Variants in GPR149 observed in about 807,000 individuals in gnomAD.
The protein encoded by GPR149 is G protein-coupled receptor 149.
Under a neutral mutation model 50.2 loss-of-function variants are expected in GPR149, and 50 were observed. That is an observed-to-expected ratio of 1.00 (90% confidence interval 0.79 to 1.26). The LOEUF is 1.26. Among genes scored for constraint, GPR149 ranks in the 50% most tolerant of loss-of-function variants. GPR149 has a pLI of 0.00. For missense variants in GPR149, 983 were observed against 895.4 expected (o/e 1.10, Z -1.25); for synonymous variants, 405 against 358.2 (o/e 1.13, Z -1.48).
At chr3:154,401,576 C>G (rs1711548789) in intron 3 of GPR149, among the ~76,000 whole-genome samples, 1 of 151,922 alleles carries the variant, frequency 6.6e-6, no homozygotes, top group African/African-American at 2.4e-5. Flanking sequence ...CTATTAATTC[C>G]TAGAGTATGT....
Position 154,374,172 on chromosome 3 carries a change from T to TC in GPR149, c.1624-35902_1624-35901insG, listed in dbSNP as rs1553764338. Reference sequence around the variant, plus strand: ...TTTCTTTCTTTTCTTTTCTTTTCTTTTTTTTTTTTTTTTGAGACAGAGTCT... The same window carrying TC: ...TTTCTTTCTTTTCTTTTCTTTTCTTTCTTTTTTTTTTTTTGAGACAGAGTCT... On this transcript the variant is annotated intron_variant, in intron 3 of 3. Transcript: ENST00000389740. Among the ~76,000 whole-genome samples, 5 of 141,882 alleles carry TC rather than the reference T, an allele frequency of 3.5e-5. No individual in the cohort carries two copies. The East Asian group carries it at 6.1e-4, about 17-fold the overall frequency. The allele number at this position is 141,882 out of a possible 152,430, so 93.1% of individuals were successfully genotyped here. A position where few individuals can be genotyped will look rare whatever the true frequency, so the allele number is the denominator to read the frequency against.
chr3:154,366,245 G>A (rs1714529115), intron 3 of GPR149, among the ~76,000 whole-genome samples: 1 of 152,058 alleles, frequency 6.6e-6, no homozygotes, highest in African/African-American at 2.4e-5. Context: ...GACCAGCACT[G>A]ACATTAAAAT....
chr3:154,422,869 G>A (rs1712184990), intron 2 of GPR149, among the ~76,000 whole-genome samples: 1 of 151,654 alleles, frequency 6.6e-6, no homozygotes, highest in South Asian at 2.1e-4. Flanking sequence ...AAAGGTGAAG[G>A]AACTAAAAGG....
At position 154,338,476 on chromosome 3, in the gene GPR149, G is replaced by C. The variant is rs113753124; in HGVS notation, c.1624-205C>G. Among the ~76,000 whole-genome samples the C allele has an allele frequency of 9.4e-3, 1,427 of 152,210 alleles. 8 individuals are homozygous for C. The highest frequency in any genetic ancestry group is 0.034 in the Middle Eastern group (10 of 294). ...TAGGCCAAATCAGACATTTAATGAGGGTAGTTAGGAACCTTTATTTGAAGA... is the reference window on the plus strand; with the variant it reads ...TAGGCCAAATCAGACATTTAATGAGCGTAGTTAGGAACCTTTATTTGAAGA... On this transcript the variant is annotated intron_variant, in intron 3 of 3. Coordinates refer to ENST00000389740, the MANE Select transcript of GPR149 (RefSeq NM_001038705.3).
intron 2 of GPR149, among the ~76,000 whole-genome samples, chr3:154,426,332 G>GA (rs1712293037): frequency 1.3e-5 from 2 of 152,204 alleles, no homozygotes; most frequent in African/African-American, 4.8e-5. Context: ...TATGACATAG[G>GA]AAAAATGGCC....
chr3:154,367,166 C>T (rs758972420), intron 3 of GPR149, among the ~76,000 whole-genome samples: 15 of 152,138 alleles, frequency 9.9e-5, no homozygotes, highest in Non-Finnish European at 1.8e-4. Context: ...GTGAAACTCA[C>T]TCCTTTCCTG....
Position 154,428,622 on chromosome 3 carries a change from A to G in GPR149, c.981+13T>C, listed in dbSNP as rs1456574488. 2 of 1,606,114 alleles carry G rather than the reference A, an allele frequency of 1.2e-6. No homozygotes were observed. Among genetic ancestry groups the G allele is most frequent in the Non-Finnish European group, 1.7e-6 (2 of 1,176,030 alleles). On this transcript the variant is annotated intron_variant, in intron 1 of 3. Transcript: ENST00000389740. ...CACACACACTCGCGCTTTGTGAGCA[A>G]CTGCACTTTTACCATCATGGGCAGC...
intron 3 of GPR149, chr3:154,352,113 C>T: frequency 2.9e-6 from 2 of 686,474 alleles, no homozygotes; most frequent in Non-Finnish European, 4.6e-6. Flanking sequence ...CAAGTTCACA[C>T]TGGTAGATTA....
chr3:154,423,683 T>C (rs1263266300), intron 2 of GPR149, among the ~76,000 whole-genome samples: 1 of 151,778 alleles, frequency 6.6e-6, no homozygotes, highest in Non-Finnish European at 1.5e-5. Flanking sequence ...TAAAACAACA[T>C]AGTTAATAAT....
At position 154,415,589 on chromosome 3, in the gene GPR149, G is replaced by A. The variant is rs149506821; in HGVS notation, c.1623+5450C>T. Among the ~76,000 whole-genome samples the A allele has an allele frequency of 2.9e-3, 437 of 151,986 alleles. 3 individuals carry two copies. Among genetic ancestry groups the A allele is most frequent in the Middle Eastern group, 0.01 (3 of 294 alleles). On this transcript the variant is annotated intron_variant, in intron 3 of 3. Transcript: ENST00000389740. Reference sequence around the variant, plus strand: ...GCTGTGAAGTGGAGAAAAGCAGAGCGCATGCAGTACATGCAGCAGGACTTT... The same window carrying A: ...GCTGTGAAGTGGAGAAAAGCAGAGCACATGCAGTACATGCAGCAGGACTTT...
At chr3:154,382,711 T>A (rs1271280675) in intron 3 of GPR149, among the ~76,000 whole-genome samples, 1 of 152,230 alleles carries the variant, frequency 6.6e-6, no homozygotes, top group East Asian at 1.9e-4. Flanking sequence ...CATGAGAATA[T>A]TCATATTTCA....
At chr3:154,407,449 A>G (rs1241077254) in intron 3 of GPR149, among the ~76,000 whole-genome samples, 1 of 152,028 alleles carries the variant, frequency 6.6e-6, no homozygotes, top group Non-Finnish European at 1.5e-5. Flanking sequence ...CTTTATGTGT[A>G]TATCAGAACT....
intron 3 of GPR149, among the ~76,000 whole-genome samples, chr3:154,368,956 T>C (rs1407268778): frequency 6.6e-6 from 1 of 152,204 alleles, no homozygotes; most frequent in East Asian, 1.9e-4. Context: ...CAACAGTCCT[T>C]GTGCCCCATT....
chr3:154,418,825 A>T (rs1712058897), intron 3 of GPR149, among the ~76,000 whole-genome samples: 1 of 152,012 alleles, frequency 6.6e-6, no homozygotes, highest in Non-Finnish European at 1.5e-5. Flanking sequence ...TAATAATAAT[A>T]AAAAAGAGGT....
intron 3 of GPR149, among the ~76,000 whole-genome samples, chr3:154,342,712 A>G (rs1405990748): frequency 6.6e-6 from 1 of 152,230 alleles, no homozygotes; most frequent in African/African-American, 2.4e-5. Flanking sequence ...CTGGCCTTAC[A>G]AATAATTTTA....
Position 154,338,280 on chromosome 3 carries a change from A to C in GPR149, c.1624-9T>G, listed in dbSNP as rs1399936617. ...AGGGCATAACCGGAACGCTGGGGAC[A>C]AAAACAAAATTGTTATTGTTGAAAG... On this transcript the variant is annotated splice_polypyrimidine_tract_variant and intron_variant, in intron 3 of 3. Transcript: ENST00000389740. 6.6e-7 allele frequency: 1 copy of C among 1,522,704 alleles called. No individual in the cohort carries two copies. Among genetic ancestry groups the C allele is most frequent in the Non-Finnish European group, 8.8e-7 (1 of 1,136,274 alleles). The allele number at this position is 1,522,704 out of a possible 1,614,324, so 94.3% of individuals were successfully genotyped here.
intron 3 of GPR149, among the ~76,000 whole-genome samples, chr3:154,380,404 C>T (rs1284949522): frequency 1.3e-5 from 2 of 152,118 alleles, no homozygotes; most frequent in Non-Finnish European, 2.9e-5. Context: ...TCTCCTAATC[C>T]CCACTGTTGT....
intron 3 of GPR149, chr3:154,353,465 A>G (rs933699220): frequency 2.2e-6 from 2 of 927,954 alleles, no homozygotes; most frequent in African/African-American, 3.2e-5. Flanking sequence ...GATCCACTTC[A>G]TCAAGCACAA....
At chr3:154,374,719 A>G (rs2108403147) in intron 3 of GPR149, among the ~76,000 whole-genome samples, 1 of 152,328 alleles carries the variant, frequency 6.6e-6, no homozygotes, top group Admixed American at 6.5e-5. Context: ...ATCATGGCAA[A>G]TCTTATGAAC....
Sources: allele counts gnomAD v4.1 joint callset (sites outside exome capture counted in the v4.1 genomes callset), GRCh38; gene constraint gnomAD v4.1.1; transcripts MANE v1.5; gene names NCBI Gene and HGNC (gene_info 2026-07-23, HGNC 2026-07-21).